SEMA3E: variants seen among roughly 807,000 people sequenced by gnomAD.
The protein encoded by SEMA3E is semaphorin 3E, also known as semaphorin-3E.
Under a neutral mutation model 93.6 loss-of-function variants are expected in SEMA3E, and 49 were observed. That is an observed-to-expected ratio of 0.52 (90% CI 0.42 to 0.66). The LOEUF (loss-of-function observed/expected upper bound fraction) is 0.66. Ranked by LOEUF, SEMA3E falls within the 30% of genes least tolerant of loss-of-function variation. SEMA3E has a pLI of 0.00. For missense variants in SEMA3E, 906 were observed against 964.8 expected, an observed-to-expected ratio of 0.94 and a Z score of 0.81; for synonymous variants, 363 against 330.7, an observed-to-expected ratio of 1.10 and a Z score of -1.06.
chr7:83,418,902 T>C (rs1231780694), intron 4 of SEMA3E, among the ~76,000 whole-genome samples: 1 of 152,034 alleles, frequency 6.6e-6, no homozygotes, highest in Non-Finnish European at 1.5e-5. Context: ...ATAAATTAGA[T>C]TTTTATTTTT....
chr7:83,475,698 T>G (rs948937094), intron 2 of SEMA3E, among the ~76,000 whole-genome samples: 5 of 152,160 alleles, frequency 3.3e-5, no homozygotes, highest in Non-Finnish European at 7.3e-5. Context: ...GAGTCTAATG[T>G]TTTCTGACAG....
In SEMA3E at chr7:83,421,838, A is replaced by C. The variant is rs1302360817; in HGVS notation, c.457-3355T>G. 1.3e-5 allele frequency among the ~76,000 whole-genome samples: 2 copies of C among 151,244 alleles called. 1 individual carries two copies. The highest frequency in any genetic ancestry group is 1.3e-4 in the Admixed American group (2 of 15,134). On this transcript the variant is annotated intron_variant, in intron 4 of 16. Coordinates refer to ENST00000643230, the MANE Select transcript of SEMA3E (RefSeq NM_012431.3). Reference sequence around the variant, plus strand: ...TTTGAAAACTTTTCAGTAAATGCTGAGTTCACCCAACCACTACTACCATCC... The same window carrying C: ...TTTGAAAACTTTTCAGTAAATGCTGCGTTCACCCAACCACTACTACCATCC...
chr7:83,643,966 A>G (rs1454110486), intron 1 of SEMA3E, among the ~76,000 whole-genome samples: 6 of 151,920 alleles, frequency 3.9e-5, no homozygotes, highest in African/African-American at 7.2e-5. Context: ...TGGATGAGGA[A>G]CCAAAGCTAT....
chr7:83,371,076 A>G (rs62458476), intron 16 of SEMA3E, among the ~76,000 whole-genome samples: 10,931 of 152,224 alleles, frequency 0.072, 527 homozygotes, highest in Non-Finnish European at 0.11. Flanking sequence ...TTTTTCTATA[A>G]GGATTTTTTA....
At chr7:83,439,212 C>T (rs770292723) in intron 4 of SEMA3E, among the ~76,000 whole-genome samples, 2 of 152,162 alleles carry the variant, frequency 1.3e-5, no homozygotes, top group African/African-American at 4.8e-5. Context: ...CTGACTGAGT[C>T]ATACTTGATC....
chr7:83,610,400 T>C (rs993954529), intron 1 of SEMA3E, among the ~76,000 whole-genome samples: 1 of 151,756 alleles, frequency 6.6e-6, no homozygotes, highest in Non-Finnish European at 1.5e-5. Flanking sequence ...AAGAATTATT[T>C]AATTTAATTC....
At chr7:83,454,272 A>AAAAAAAAAAAATAT (rs1257792756) in intron 4 of SEMA3E, among the ~76,000 whole-genome samples, 3 of 110,110 alleles carry the variant, frequency 2.7e-5, no homozygotes, top group African/African-American at 1.3e-4. Flanking sequence ...AAAAAAAAAA[A>AAAAAAAAAAAATAT]ATATATATAT....
chr7:83,570,260 C>A (rs558538353), intron 1 of SEMA3E, among the ~76,000 whole-genome samples: 79 of 152,200 alleles, frequency 5.2e-4, no homozygotes, highest in South Asian at 1.7e-3. Context: ...ATACCTTCAT[C>A]AAGAAGTTAG....
At chr7:83,611,475 C>T (rs751733838) in intron 1 of SEMA3E, among the ~76,000 whole-genome samples, 1 of 148,920 alleles carries the variant, frequency 6.7e-6, no homozygotes, top group East Asian at 2.0e-4. Flanking sequence ...TCCCCCTTGA[C>T]CTTAGGTCCT....
intron 16 of SEMA3E, 48 bp from the exon 17 acceptor site, chr7:83,368,086 A>G (rs751912138): frequency 1.3e-6 from 2 of 1,520,916 alleles, no homozygotes; most frequent in South Asian, 2.2e-5. Context: ...AGGAGAGAAA[A>G]TAACAATCCA....
At chr7:83,529,217 A>AGCACTCTAACTTGGCAT (rs1791232196) in intron 1 of SEMA3E, among the ~76,000 whole-genome samples, 1 of 152,128 alleles carries the variant, frequency 6.6e-6, no homozygotes, top group Admixed American at 6.6e-5. Flanking sequence ...TCTACCACGG[A>AGCACTCTAACTTGGCAT]GCACTCTAAC....
At chr7:83,575,230 G>A (rs2115884388) in intron 1 of SEMA3E, among the ~76,000 whole-genome samples, 1 of 151,650 alleles carries the variant, frequency 6.6e-6, no homozygotes, top group South Asian at 2.1e-4. Flanking sequence ...CCAGTTGAAG[G>A]AGGGTAGCAG....
chr7:83,563,104 A>G (rs1411599664), intron 1 of SEMA3E, among the ~76,000 whole-genome samples: 1 of 152,164 alleles, frequency 6.6e-6, no homozygotes, highest in Non-Finnish European at 1.5e-5. Context: ...CTCAGTTCAG[A>G]TTCCTGAGAC....
chr7:83,518,359 G>A (rs1042219272), intron 1 of SEMA3E, among the ~76,000 whole-genome samples: 4 of 151,942 alleles, frequency 2.6e-5, no homozygotes, highest in African/African-American at 7.3e-5. Flanking sequence ...ACAAGTCATA[G>A]GTGAGGAAAG....
rs187291666 is a variant in SEMA3E at position 83,576,401 on chromosome 7, C to G, written c.115+72027G>C. Among the ~76,000 whole-genome samples the G allele has an allele frequency of 2.3e-4, 35 of 151,918 alleles. 2 individuals carry two copies. Among genetic ancestry groups the G allele is most frequent in the East Asian group, 2.1e-3 (11 of 5,168 alleles). On this transcript the variant is annotated intron_variant, in intron 1 of 16. Coordinates refer to ENST00000643230, the MANE Select transcript of SEMA3E (RefSeq NM_012431.3). ...TTAAAGTGGGCAGCAATAAGCCAAG[C>G]GAAAATTGGATTTTCTGTTTCTAAA...
At chr7:83,457,928 T>G (rs1789523451) in intron 4 of SEMA3E, among the ~76,000 whole-genome samples, 1 of 152,116 alleles carries the variant, frequency 6.6e-6, no homozygotes, top group Non-Finnish European at 1.5e-5. Context: ...CCTAAATGAT[T>G]TGTAACTTTT....
chr7:83,486,580 T>C (rs1014628876), intron 2 of SEMA3E, among the ~76,000 whole-genome samples: 4 of 152,044 alleles, frequency 2.6e-5, no homozygotes, highest in Non-Finnish European at 4.4e-5. Context: ...CAGAATGTCA[T>C]AAAGTAGACC....
At chr7:83,548,606 G>A (rs1325208353) in intron 1 of SEMA3E, among the ~76,000 whole-genome samples, 1 of 151,848 alleles carries the variant, frequency 6.6e-6, no homozygotes, top group East Asian at 1.9e-4. Flanking sequence ...TGGTCCACCT[G>A]GTCACCTCTG....
At chr7:83,495,365 G>A (rs887723761) in intron 1 of SEMA3E, among the ~76,000 whole-genome samples, 3 of 151,780 alleles carry the variant, frequency 2.0e-5, no homozygotes, top group Admixed American at 6.6e-5. Flanking sequence ...AGAGAAGAAT[G>A]CTTCTATTTC....
Sources: allele counts gnomAD v4.1 joint callset (sites outside exome capture counted in the v4.1 genomes callset), GRCh38; gene constraint gnomAD v4.1.1; transcripts MANE v1.5; gene names NCBI Gene and HGNC (gene_info 2026-07-23, HGNC 2026-07-21).